Variants in SPRED1 observed in about 807,000 individuals in gnomAD.
SPRED1 encodes sprouty-related, EVH1 domain-containing protein 1.
Under a neutral mutation model 52.3 loss-of-function variants are expected in SPRED1, and 18 were observed. The observed-to-expected ratio is 0.34, with a 90% CI of 0.24 to 0.51. SPRED1 has a LOEUF of 0.51. SPRED1 is among the 20% of genes least tolerant of loss of function. The probability of loss-of-function intolerance (pLI) is 0.97; values close to 1 mark genes in which losing one functional copy is unlikely to be tolerated. For missense variants in SPRED1, 485 were observed against 551.0 expected (o/e 0.88, Z 1.20); for synonymous variants, 155 against 179.7 (o/e 0.86, Z 1.10).
intron 4 of SPRED1, among the ~76,000 whole-genome samples, chr15:38,329,691 T>C (rs529531970): frequency 3.0e-4 from 46 of 152,272 alleles, no homozygotes; most frequent in African/African-American, 1.1e-3. Context: ...ATTTCGAAAA[T>C]TACAAAGACA....
At chr15:38,306,324 G>T (rs1258461090) in intron 2 of SPRED1, among the ~76,000 whole-genome samples, 2 of 152,074 alleles carry the variant, frequency 1.3e-5, no homozygotes, top group Non-Finnish European at 2.9e-5. Flanking sequence ...GAGATTATGT[G>T]GAGTAGAGAA....
At chr15:38,257,170 CTA>C in intron 1 of SPRED1, among the ~76,000 whole-genome samples, 1 of 152,202 alleles carries the variant, frequency 6.6e-6, no homozygotes, top group Non-Finnish European at 1.5e-5. Context: ...CTCTGTCCCT[CTA>C]TGTTGCCTCT....
chr15:38,273,460 TG>T (rs1894480795), intron 1 of SPRED1, among the ~76,000 whole-genome samples: 8 of 150,476 alleles, frequency 5.3e-5, no homozygotes, highest in Non-Finnish European at 8.9e-5. Context: ...CAGGATCAAA[TG>T]AATATCATGA....
At chr15:38,282,497 A>G (rs1400342714) in intron 1 of SPRED1, among the ~76,000 whole-genome samples, 1 of 147,540 alleles carries the variant, frequency 6.8e-6, no homozygotes, top group Non-Finnish European at 1.5e-5. Flanking sequence ...ACAGAGCGAG[A>G]CCCCGTCTCA....
In SPRED1 at chr15:38,354,828, A is replaced by G. The variant is rs191914374; in HGVS notation, c.*3164A>G. On this transcript the variant is annotated 3_prime_UTR_variant, in exon 7 of 7. Transcript: ENST00000299084. ...GTTGCTTTAACTCTCAAAAGCCATT[A>G]CCAAAATGGTATTTTTTTCCTCCTT... The G allele has an allele frequency of 6.6e-6, 1 of 152,392 alleles. No homozygotes were observed. Among genetic ancestry groups the G allele is most frequent in the Admixed American group, 6.5e-5 (1 of 15,308 alleles). The allele number at this position is 152,392 out of a possible 1,614,324, so 9.4% of individuals were successfully genotyped here.
chr15:38,300,952 A>T (rs1347385460), intron 2 of SPRED1, among the ~76,000 whole-genome samples: 1 of 152,148 alleles, frequency 6.6e-6, no homozygotes, highest in African/African-American at 2.4e-5. Context: ...ACCGAGTAAA[A>T]TGGTGAAAAT....
intron 1 of SPRED1, among the ~76,000 whole-genome samples, chr15:38,261,596 C>A (rs757236844): frequency 1.3e-5 from 2 of 152,098 alleles, no homozygotes; most frequent in African/African-American, 4.8e-5. Flanking sequence ...ATTTTTTAGA[C>A]GGAGTCTTGC....
rs1388892457 is a variant in SPRED1 at position 38,352,445 on chromosome 15, T to C, written c.*781T>C. ...CTCTAATAGCCTTGAGTGACCAACT[T>C]TTTTTTTAAAGCACAGATGTAATTG... On this transcript the variant is annotated 3_prime_UTR_variant, in exon 7 of 7. Coordinates refer to ENST00000299084, the MANE Select transcript of SPRED1 (RefSeq NM_152594.3). 1 of 152,154 alleles carries C rather than the reference T, an allele frequency of 6.6e-6. No individual in the cohort carries two copies. Among genetic ancestry groups the C allele is most frequent in the African/African-American group, 2.4e-5 (1 of 41,318 alleles). The allele number at this position is 152,154 out of a possible 1,614,324, so 9.4% of individuals were successfully genotyped here.
intron 5 of SPRED1, among the ~76,000 whole-genome samples, chr15:38,343,386 A>G (rs1280203917): frequency 6.6e-6 from 1 of 152,176 alleles, no homozygotes; most frequent in Non-Finnish European, 1.5e-5. Flanking sequence ...GGACAGAGAA[A>G]AAAATTGATA....
intron 2 of SPRED1, among the ~76,000 whole-genome samples, chr15:38,312,933 T>C (rs1395840061): frequency 6.6e-6 from 1 of 152,034 alleles, no homozygotes; most frequent in Non-Finnish European, 1.5e-5. Flanking sequence ...AAGGATACTC[T>C]CAAGCCCTCT....
intron 1 of SPRED1, among the ~76,000 whole-genome samples, chr15:38,266,003 G>T (rs925900413): frequency 3.3e-5 from 5 of 152,130 alleles, no homozygotes; most frequent in South Asian, 2.1e-4. Flanking sequence ...CTGTAATTTG[G>T]ACAGCTGATG....
intron 1 of SPRED1, among the ~76,000 whole-genome samples, chr15:38,274,056 T>C (rs1894494998): frequency 6.6e-6 from 1 of 152,224 alleles, no homozygotes; most frequent in Non-Finnish European, 1.5e-5. Context: ...TTATTGGTAA[T>C]TATGAGCGAG....
chr15:38,312,584 G>C (rs963443575), intron 2 of SPRED1, among the ~76,000 whole-genome samples: 1 of 152,082 alleles, frequency 6.6e-6, no homozygotes, highest in African/African-American at 2.4e-5. Context: ...ATATTTCCAA[G>C]ATGTCCTGGT....
At chr15:38,339,297 T>G (rs1203824675) in intron 4 of SPRED1, among the ~76,000 whole-genome samples, 1 of 152,190 alleles carries the variant, frequency 6.6e-6, no homozygotes, top group African/African-American at 2.4e-5. Flanking sequence ...AGACTAATGT[T>G]GTCTTCTGTC....
chr15:38,325,247 G>A (rs1457039173), intron 4 of SPRED1, among the ~76,000 whole-genome samples: 1 of 152,088 alleles, frequency 6.6e-6, no homozygotes, highest in Non-Finnish European at 1.5e-5. Flanking sequence ...TTTCATGCAC[G>A]AAATTATTTA....
intron 5 of SPRED1, among the ~76,000 whole-genome samples, chr15:38,347,192 A>T (rs951260521): frequency 6.6e-6 from 1 of 152,090 alleles, no homozygotes; most frequent in African/African-American, 2.4e-5. Context: ...AATCCACTTT[A>T]ATTTGATTTC....
intron 1 of SPRED1, among the ~76,000 whole-genome samples, chr15:38,277,253 T>G (rs1894577080): frequency 6.6e-6 from 1 of 152,122 alleles, no homozygotes; most frequent in African/African-American, 2.4e-5. Context: ...CAATAGGTGG[T>G]TTTTTTGATC....
At chr15:38,261,503 A>C (rs1312940759) in intron 1 of SPRED1, among the ~76,000 whole-genome samples, 5 of 152,244 alleles carry the variant, frequency 3.3e-5, no homozygotes, top group Admixed American at 3.3e-4. Flanking sequence ...GCCTAATATC[A>C]GTTTAATAAT....
At chr15:38,277,015 G>C (rs531302423) in intron 1 of SPRED1, among the ~76,000 whole-genome samples, 1 of 152,322 alleles carries the variant, frequency 6.6e-6, no homozygotes, top group East Asian at 1.9e-4. Flanking sequence ...GGGTCATCAT[G>C]ATAGTTTGGG....
Sources: gnomAD v4.1 joint callset for allele counts (sites outside exome capture counted in the v4.1 genomes callset) on GRCh38, gnomAD v4.1.1 for gene constraint, MANE v1.5 for transcripts, NCBI Gene and HGNC (gene_info 2026-07-23, HGNC 2026-07-21) for gene names.